IMMP2L: variants seen among roughly 807,000 people sequenced by gnomAD.
The protein encoded by IMMP2L is inner mitochondrial membrane peptidase subunit 2, also known as mitochondrial inner membrane protease subunit 2.
Under a neutral mutation model 19.3 loss-of-function variants are expected in IMMP2L, and 18 were observed. The ratio of observed to expected loss-of-function variants is 0.93; its 90% confidence interval spans 0.64 to 1.38. The LOEUF (loss-of-function observed/expected upper bound fraction) is 1.38. Among genes scored for constraint, IMMP2L ranks in the 40% most tolerant of loss-of-function variants. IMMP2L has a pLI of 0.00. For missense variants in IMMP2L, 233 were observed against 218.2 expected (o/e 1.07, Z -0.43); for synonymous variants, 76 against 73.0 (o/e 1.04, Z -0.21).
intron 4 of IMMP2L, among the ~76,000 whole-genome samples, chr7:110,925,226 A>C (rs1814722928): frequency 6.6e-6 from 1 of 152,160 alleles, no homozygotes. Context: ...GAAAATAAAC[A>C]GTTGAACATA....
intron 4 of IMMP2L, among the ~76,000 whole-genome samples, chr7:110,936,259 G>A (rs1816104211): frequency 6.6e-6 from 1 of 152,086 alleles, no homozygotes; most frequent in Non-Finnish European, 1.5e-5. Flanking sequence ...AGAGTGAACA[G>A]GCAACCTACA....
intron 3 of IMMP2L, among the ~76,000 whole-genome samples, chr7:111,205,346 C>G (rs1036857974): frequency 1.3e-5 from 2 of 152,160 alleles, no homozygotes; most frequent in African/African-American, 4.8e-5. Context: ...TCACATACAT[C>G]AATAAGTGAA....
chr7:111,016,919 ATT>A (rs1313235685), intron 3 of IMMP2L, among the ~76,000 whole-genome samples: 1 of 94,202 alleles, frequency 1.1e-5, no homozygotes, highest in African/African-American at 4.4e-5. Flanking sequence ...TTATATATAT[ATT>A]TATATATACT....
intron 3 of IMMP2L, among the ~76,000 whole-genome samples, chr7:111,157,716 A>G (rs1239455726): frequency 6.6e-6 from 1 of 152,128 alleles, no homozygotes; most frequent in African/African-American, 2.4e-5. Context: ...TTTAAAAACT[A>G]AAAGAGTGTA....
At chr7:111,519,184 G>A (rs534436235) in intron 2 of IMMP2L, among the ~76,000 whole-genome samples, 3 of 152,148 alleles carry the variant, frequency 2.0e-5, no homozygotes, top group African/African-American at 7.2e-5. Context: ...CATGCGAGCT[G>A]CCAGCAGCCA....
At chr7:111,554,723 A>T (rs1791068209) in intron 1 of IMMP2L, among the ~76,000 whole-genome samples, 1 of 151,992 alleles carries the variant, frequency 6.6e-6, no homozygotes, top group Non-Finnish European at 1.5e-5. Context: ...CCTGGGTTCA[A>T]GTGATTCTCC....
chr7:111,336,979 TTTAA>T (rs944861553), intron 3 of IMMP2L, among the ~76,000 whole-genome samples: 7 of 152,162 alleles, frequency 4.6e-5, no homozygotes, highest in Middle Eastern at 3.4e-3. Context: ...ATCATATATA[TTTAA>T]TGTCAATTGT....
At chr7:111,236,559 C>A (rs1356668059) in intron 3 of IMMP2L, among the ~76,000 whole-genome samples, 1 of 152,118 alleles carries the variant, frequency 6.6e-6, no homozygotes, top group Non-Finnish European at 1.5e-5. Context: ...GTGATTATTT[C>A]TCCAGCTTTT....
In IMMP2L at chr7:110,956,831, G is replaced by A. The variant is rs75520351; in HGVS notation, c.305+6669C>T. ...GAAGATCTATGAAACAGAAATACAA[G>A]TGTCCCAATAAAAATGTTGATGCCT... On this transcript the variant is annotated intron_variant, in intron 4 of 5. Transcript: ENST00000405709. Among the ~76,000 whole-genome samples the A allele has an allele frequency of 9.6e-3, 1,452 of 152,040 alleles. 25 individuals carry two copies. Among genetic ancestry groups the A allele is most frequent in the African/African-American group, 0.033 (1,370 of 41,496 alleles).
intron 1 of IMMP2L, among the ~76,000 whole-genome samples, chr7:111,546,083 C>T (rs1198192316): frequency 6.6e-6 from 1 of 152,010 alleles, no homozygotes; most frequent in African/African-American, 2.4e-5. Flanking sequence ...ATAAATATTT[C>T]ATTATATATA....
At chr7:111,508,594 G>C (rs112205708) in intron 2 of IMMP2L, among the ~76,000 whole-genome samples, 2 of 152,270 alleles carry the variant, frequency 1.3e-5, no homozygotes, top group Middle Eastern at 3.4e-3. Flanking sequence ...TGAAGGCAGG[G>C]AAGTCCCCAG....
chr7:111,268,352 C>T (rs1007737727), intron 3 of IMMP2L, among the ~76,000 whole-genome samples: 1 of 151,734 alleles, frequency 6.6e-6, no homozygotes, highest in African/African-American at 2.4e-5. Flanking sequence ...CAGGAGTTGT[C>T]TTAAGACAAA....
intron 3 of IMMP2L, among the ~76,000 whole-genome samples, chr7:111,109,534 T>A (rs916430914): frequency 1.3e-5 from 2 of 152,110 alleles, no homozygotes; most frequent in Admixed American, 6.6e-5. Context: ...AAAGCTTTAT[T>A]ACACAGAGCT....
intron 3 of IMMP2L, among the ~76,000 whole-genome samples, chr7:111,282,454 G>A (rs1373896453): frequency 6.6e-6 from 1 of 152,082 alleles, no homozygotes; most frequent in Non-Finnish European, 1.5e-5. Context: ...CAATCAGGAA[G>A]TTATAGAAAT....
chr7:111,072,121 C>A (rs1049706548), intron 3 of IMMP2L, among the ~76,000 whole-genome samples: 15 of 152,084 alleles, frequency 9.9e-5, no homozygotes, highest in African/African-American at 3.4e-4. Context: ...TCCTTACTGG[C>A]ACTAAACAAG....
chr7:111,411,258 T>TA (rs1481777735), intron 3 of IMMP2L: 9 of 189,360 alleles, frequency 4.8e-5, no homozygotes, highest in Non-Finnish European at 8.9e-5. Flanking sequence ...ACTGTGAGAC[T>TA]AAAAATCATA....
chr7:111,560,278 A>G (rs1791883138), intron 1 of IMMP2L, among the ~76,000 whole-genome samples: 1 of 152,196 alleles, frequency 6.6e-6, no homozygotes, highest in South Asian at 2.1e-4. Context: ...GAAAAAGACA[A>G]AGAACTATTC....
rs557300671 is a variant in IMMP2L, at chr7:111,555,442, A to G, written c.-3+6409T>C. On this transcript the variant is annotated intron_variant, in intron 1 of 5. Transcript: ENST00000405709. Reference sequence around the variant, plus strand: ...GGAAGGAGTAGGCAAACAAAGCGACAACCTAATCTTCATTCACAAAAAAAA... The same window carrying G: ...GGAAGGAGTAGGCAAACAAAGCGACGACCTAATCTTCATTCACAAAAAAAA... Among the ~76,000 whole-genome samples the G allele has an allele frequency of 6.2e-5, 7 of 113,468 alleles. No homozygotes were observed. The East Asian group carries it at 1.6e-3, about 26-fold the overall frequency. 74.4% of individuals were successfully genotyped at this position (113,468 alleles called of 152,430 possible).
At chr7:111,494,894 G>C (rs1189675291) in intron 2 of IMMP2L, among the ~76,000 whole-genome samples, 1 of 151,668 alleles carries the variant, frequency 6.6e-6, no homozygotes, top group African/African-American at 2.4e-5. Context: ...ATTTTACATA[G>C]TAAACTGAAA....
Sources: gnomAD v4.1 joint callset for allele counts (sites outside exome capture counted in the v4.1 genomes callset) on GRCh38, gnomAD v4.1.1 for gene constraint, MANE v1.5 for transcripts, NCBI Gene and HGNC (gene_info 2026-07-23, HGNC 2026-07-21) for gene names.